Variants in LMO2 observed in about 807,000 individuals in gnomAD.
LMO2 encodes LIM domain only 2, also known as rhombotin-2.
LMO2 carries 20 observed loss-of-function variants against 23.2 expected under a neutral mutation model. The observed-to-expected ratio is 0.86, with a 90% CI of 0.61 to 1.25. The LOEUF (loss-of-function observed/expected upper bound fraction) is 1.25, where lower values mean the gene tolerates loss of function less well. Ranked by LOEUF, LMO2 falls within the 50% of genes most tolerant of loss-of-function variation. The pLI is 0.00. For synonymous variants in LMO2, 123 were observed against 130.2 expected, an observed-to-expected ratio of 0.94 and a Z score of 0.38; for missense variants, 270 against 315.3, an observed-to-expected ratio of 0.86 and a Z score of 1.09.
intron 1 of LMO2, among the ~76,000 whole-genome samples, chr11:33,887,540 A>AT (rs3072488): frequency 0.013 from 1,727 of 132,892 alleles, 26 homozygotes; most frequent in African/African-American, 0.024. Flanking sequence ...AGGAATGTGG[A>AT]TTTTTTTTTT....
At chr11:33,886,026 C>T (rs553438378) in intron 1 of LMO2, among the ~76,000 whole-genome samples, 2 of 152,324 alleles carry the variant, frequency 1.3e-5, no homozygotes, top group African/African-American at 2.4e-5. Flanking sequence ...CAGGTGCCCA[C>T]CACCAAGCTT....
rs1291841311 is a variant in LMO2 at position 33,869,818 on chromosome 11, C to T, written c.-102G>A. ...GCGCCCGCCCGGCCGCCCGGAGCCC[C>T]TCGCACCTTCGGCCCGGGTCGCGGC... On this transcript the variant is annotated 5_prime_UTR_variant, in exon 3 of 6. Transcript: ENST00000257818. 1.8e-6 allele frequency: 2 copies of T among 1,088,430 alleles called. No homozygotes were observed. The highest frequency in any genetic ancestry group is 1.1e-4 in the East Asian group (2 of 17,754). The allele number at this position is 1,088,430 out of a possible 1,614,324, so 67.4% of individuals were successfully genotyped here.
chr11:33,888,760 G>A (rs918443316), intron 1 of LMO2, among the ~76,000 whole-genome samples: 4 of 152,180 alleles, frequency 2.6e-5, no homozygotes, highest in Non-Finnish European at 5.9e-5. Flanking sequence ...TCTCAAGTTT[G>A]TAAGCCCCTT....
chr11:33,863,977 C>T (rs2133689630), intron 5 of LMO2, among the ~76,000 whole-genome samples: 1 of 152,298 alleles, frequency 6.6e-6, no homozygotes, highest in South Asian at 2.1e-4. Flanking sequence ...GAAATCGAGG[C>T]TTAGGAAGGT....
chr11:33,864,944 A>ATGTGTTGTCCTGTCCCTTCT lies in LMO2; in HGVS notation c.249-128_249-127insAGAAGGGACAGGACAACACA. On this transcript the variant is annotated intron_variant, in intron 4 of 5. Transcript: ENST00000257818. This position sits in a 1 kb window ranked among gnomAD's most constrained non-coding sequence, Gnocchi z 4.8. Reference sequence around the variant, plus strand: ...CTTTCAGTGACCTAAGGGAGAAGGGACAGGACAACACATCCCTTGGCCAGA... The same window carrying ATGTGTTGTCCTGTCCCTTCT: ...CTTTCAGTGACCTAAGGGAGAAGGGATGTGTTGTCCTGTCCCTTCTCAGGACAACACATCCCTTGGCCAGA... 1 of 803,900 alleles carries ATGTGTTGTCCTGTCCCTTCT rather than the reference A, an allele frequency of 1.2e-6. No individual in the cohort carries two copies. Among genetic ancestry groups the ATGTGTTGTCCTGTCCCTTCT allele is most frequent in the Non-Finnish European group, 2.1e-6 (1 of 477,488 alleles). 49.8% of individuals were successfully genotyped at this position (803,900 alleles called of 1,614,324 possible). A position where few individuals can be genotyped will look rare whatever the true frequency, so the allele number is the denominator to read the frequency against.
rs1344341393 is a variant in LMO2 at position 33,869,762 on chromosome 11, G to A, written c.-46C>T. 5 of 1,197,628 alleles carry A rather than the reference G, an allele frequency of 4.2e-6. No individual in the cohort carries two copies. Among genetic ancestry groups the A allele is most frequent in the South Asian group, 6.2e-5 (2 of 32,076 alleles). The allele number at this position is 1,197,628 out of a possible 1,614,324, so 74.2% of individuals were successfully genotyped here. A position where few individuals can be genotyped will look rare whatever the true frequency, so the allele number is the denominator to read the frequency against. ...CGCCCGGTCCCTCTCGCGCGCTGTC[G>A]CCGGCTCCGCGCCGCCCGCGGGGAT... is the stretch of plus-strand genomic sequence containing the variant. On this transcript the variant is annotated 5_prime_UTR_variant, in exon 3 of 6. Transcript: ENST00000257818.
intron 1 of LMO2, among the ~76,000 whole-genome samples, chr11:33,891,264 C>G (rs1257117191): frequency 3.3e-5 from 5 of 152,004 alleles, no homozygotes; most frequent in Non-Finnish European, 2.9e-5. Flanking sequence ...TCTTTGCCCT[C>G]AACTCAGAAC....
rs1237590617 is a variant in LMO2, at chr11:33,869,487, CCGCCGCCGCCGCCGT to C, written c.92_106del (p.Asp31_Gly35del). The C allele has an allele frequency of 8.3e-7, 1 of 1,201,772 alleles. No homozygotes were observed. The highest frequency in any genetic ancestry group is 1.0e-6 in the Non-Finnish European group (1 of 965,050). The allele number at this position is 1,201,772 out of a possible 1,614,324, so 74.4% of individuals were successfully genotyped here. On this transcript the variant is annotated inframe_deletion, in exon 4 of 6. Transcript: ENST00000257818. ...GACCCCCTCGGGTGCTCGGGCGCCG[CCGCCGCCGCCGCCGT>C]CGCCGCCGCTCCTGCGCCTCCGCTT...
At chr11:33,861,644 A>G (rs1478210050) in intron 5 of LMO2, among the ~76,000 whole-genome samples, 1 of 152,200 alleles carries the variant, frequency 6.6e-6, no homozygotes, top group Admixed American at 6.5e-5. Context: ...CTGTAAGTTA[A>G]GTTTGGGCCT....
chr11:33,869,897 G>A lies in LMO2; in HGVS notation c.-181C>T. 1.9e-6 allele frequency: 2 copies of A among 1,050,614 alleles called. No homozygotes were observed. The highest frequency in any genetic ancestry group is 2.3e-6 in the Non-Finnish European group (2 of 871,832). The allele number at this position is 1,050,614 out of a possible 1,614,324, so 65.1% of individuals were successfully genotyped here. ...GGGCGGCGGCCTAGGGGCGGGGAGG[G>A]GACCGTGCGTCTCTCTCCGGGCTTC... On this transcript the variant is annotated 5_prime_UTR_variant, in exon 3 of 6. Transcript: ENST00000257818.
chr11:33,889,346 C>T (rs1429996648), intron 1 of LMO2, among the ~76,000 whole-genome samples: 1 of 152,166 alleles, frequency 6.6e-6, no homozygotes, highest in Non-Finnish European at 1.5e-5. Context: ...TTAGCCAGAC[C>T]AGAGCACAGA....
chr11:33,866,806 C>T (rs1856802759), intron 4 of LMO2, among the ~76,000 whole-genome samples: 1 of 152,182 alleles, frequency 6.6e-6, no homozygotes, highest in Non-Finnish European at 1.5e-5. Context: ...CCACCAGGCC[C>T]AGCTAATTTT....
At chr11:33,859,711 G>C in intron 5 of LMO2, 136 bp from the exon 6 acceptor site, 1 of 693,240 alleles carries the variant, frequency 1.4e-6, no homozygotes, top group Non-Finnish European at 2.4e-6. Flanking sequence ...TCCAGAAGGA[G>C]GGCCGGCTAG....
intron 2 of LMO2, among the ~76,000 whole-genome samples, chr11:33,877,985 T>C (rs575999881): frequency 1.2e-4 from 18 of 152,296 alleles, no homozygotes; most frequent in Admixed American, 3.9e-4. Flanking sequence ...ACTGTTTTCT[T>C]CCCTGTCAAC....
intron 2 of LMO2, among the ~76,000 whole-genome samples, chr11:33,876,203 C>T (rs1013505178): frequency 3.3e-5 from 5 of 152,166 alleles, no homozygotes; most frequent in Admixed American, 6.5e-5. Context: ...TCTCCATCCC[C>T]GTTATCCTTC....
At chr11:33,881,287 G>A in intron 2 of LMO2, 1 of 456,932 alleles carries the variant, frequency 2.2e-6, no homozygotes, top group South Asian at 1.5e-5. Context: ...CGCAAAGGAA[G>A]AGCTATTAAC....
At chr11:33,884,442 A>G (rs1857358538) in intron 1 of LMO2, among the ~76,000 whole-genome samples, 1 of 152,124 alleles carries the variant, frequency 6.6e-6, no homozygotes, top group Admixed American at 6.5e-5. Context: ...TTTCTGCCCC[A>G]GTGGGTGTTA....
At chr11:33,871,408 A>C (rs1309764093) in intron 2 of LMO2, among the ~76,000 whole-genome samples, 4 of 151,826 alleles carry the variant, frequency 2.6e-5, no homozygotes, top group Non-Finnish European at 4.4e-5. Context: ...AAAAATAAAA[A>C]ATAAAAATAA....
chr11:33,865,496 G>A (rs1279372823), intron 4 of LMO2, among the ~76,000 whole-genome samples: 1 of 152,200 alleles, frequency 6.6e-6, no homozygotes, highest in Non-Finnish European at 1.5e-5. Flanking sequence ...TCTTCCTACT[G>A]AAGGAATACT....
Sources: allele counts gnomAD v4.1 joint callset (sites outside exome capture counted in the v4.1 genomes callset), GRCh38; gene constraint gnomAD v4.1.1; non-coding constraint Gnocchi (gnomAD v3.1); transcripts MANE v1.5; gene names NCBI Gene and HGNC (gene_info 2026-07-23, HGNC 2026-07-21).